SIRT3: variants seen among roughly 807,000 people sequenced by gnomAD.
SIRT3 encodes the protein NAD-dependent protein deacetylase sirtuin-3, mitochondrial.
SIRT3 carries 26 observed loss-of-function variants against 33.5 expected under a neutral mutation model. That is an observed-to-expected ratio of 0.78 (90% CI 0.57 to 1.08). SIRT3 has a LOEUF of 1.08. Among genes scored for constraint, SIRT3 ranks in the 50% least tolerant of loss-of-function variants. The pLI is 0.00. For synonymous variants in SIRT3, 237 were observed against 222.1 expected (o/e 1.07, Z -0.60); for missense variants, 585 against 530.1 (o/e 1.10, Z -1.02).
At chr11:232,832 G>A in intron 3 of SIRT3, 151 bp downstream of exon 3, 1 of 691,192 alleles carries the variant, frequency 1.4e-6, no homozygotes, top group Non-Finnish European at 2.4e-6. Flanking sequence ...AAGTCCCAAG[G>A]AAGAAGCATA....
chr11:234,947 G>A lies in SIRT3; in HGVS notation c.281+1101C>T, dbSNP rs187602017. The stretch of plus-strand genomic sequence containing the variant: ...GGCTGGAGTGCAATGGTGCCATCTC[G>A]GCTCACTGCAACCTCTGCCTTCCGG... On this transcript the variant is annotated intron_variant, in intron 1 of 6. Transcript: ENST00000382743. 3.0e-4 allele frequency among the ~76,000 whole-genome samples: 45 copies of A among 151,252 alleles called. 1 individual carries two copies. Among genetic ancestry groups the A allele is most frequent in the African/African-American group, 1.0e-3 (42 of 41,194 alleles).
chr11:230,552 A>C lies in SIRT3; in HGVS notation c.707T>G (p.Val236Gly). The change falls in exon 4 of 7, where the codon GTG (valine) becomes GGG (glycine). Residue 236 changes from valine (V) to glycine (G), a missense_variant and splice_region_variant. Val to Gly is a moderately radical substitution (Grantham distance 109). Coordinates refer to ENST00000382743, the MANE Select transcript of SIRT3 (RefSeq NM_012239.6). ...CAGCTTTGAGGCAGGGATGCCCGAC[A>C]CTGAAATTCAAGCCAAAGCGAAGTG... ...YTQNIDGLER[V>G]SGIPASKLVE... 1 of 1,513,046 alleles carries C rather than the reference A, an allele frequency of 6.6e-7. No individual in the cohort carries two copies. The highest frequency in any genetic ancestry group is 8.8e-7 in the Non-Finnish European group (1 of 1,131,508). The allele number at this position is 1,513,046 out of a possible 1,614,324, so 93.7% of individuals were successfully genotyped here. A position where few individuals can be genotyped will look rare whatever the true frequency, so the allele number is the denominator to read the frequency against.
intron 3 of SIRT3, among the ~76,000 whole-genome samples, chr11:231,642 T>C (rs2133923575): frequency 6.6e-6 from 1 of 152,226 alleles, no homozygotes; most frequent in African/African-American, 2.4e-5. Context: ...GCTTCCCAAG[T>C]CCCTGTCGCT....
chr11:230,776 A>G, intron 3 of SIRT3: 1 of 372,380 alleles, frequency 2.7e-6, no homozygotes, highest in Non-Finnish European at 4.8e-6. Flanking sequence ...AATCACGGTT[A>G]AAACAAAGCC....
chr11:217,395 G>A (rs1282165128), intron 6 of SIRT3, among the ~76,000 whole-genome samples: 1 of 152,226 alleles, frequency 6.6e-6, no homozygotes, highest in Non-Finnish European at 1.5e-5. Flanking sequence ...GCTGCAGTGA[G>A]CCAAAATCGT....
chr11:233,230 G>A lies in SIRT3; in HGVS notation c.474-15C>T. On this transcript the variant is annotated splice_polypyrimidine_tract_variant and intron_variant, in intron 2 of 6. Transcript: ENST00000382743. ...TCCCCGGCGATCTGCAGGGAGAGAA[G>A]AAAGGCTCTGAGGCCTTTGGAAGAG... 6.2e-7 allele frequency: 1 copy of A among 1,611,176 alleles called. No homozygotes were observed. The highest frequency in any genetic ancestry group is 8.5e-7 in the Non-Finnish European group (1 of 1,178,070).
At chr11:233,736 T>C in intron 1 of SIRT3, 1 of 574,094 alleles carries the variant, frequency 1.7e-6, no homozygotes, top group Non-Finnish European at 3.0e-6. Flanking sequence ...AAATCAAGAC[T>C]TACTTGGGAG....
At chr11:228,850 G>A (rs1369115171) in intron 4 of SIRT3, among the ~76,000 whole-genome samples, 2 of 152,164 alleles carry the variant, frequency 1.3e-5, no homozygotes, top group Non-Finnish European at 2.9e-5. Flanking sequence ...TAAGGATCTA[G>A]CTTCCAGAAT....
Position 215,837 on chromosome 11 carries a change from C to G in SIRT3, c.*861G>C, listed in dbSNP as rs1590083296. The G allele has an allele frequency of 6.6e-6, 1 of 152,132 alleles. No homozygotes were observed. Among genetic ancestry groups the G allele is most frequent in the Non-Finnish European group, 1.5e-5 (1 of 68,054 alleles). The allele number at this position is 152,132 out of a possible 1,614,324, so 9.4% of individuals were successfully genotyped here. On this transcript the variant is annotated 3_prime_UTR_variant, in exon 7 of 7. Transcript: ENST00000382743. ...CAGCCTGGGTTTTAAGTGAGTAATG[C>G]CTTCCCTGTCTCAGAGATTAGCTCT...
rs200341664 is a variant in SIRT3, at chr11:236,059, G to A, written c.270C>T (p.Phe90=). The A allele has an allele frequency of 1.2e-5, 19 of 1,522,664 alleles. 2 individuals carry two copies. In the South Asian group the frequency reaches 2.3e-4, roughly 18 times the overall value. 94.3% of individuals were successfully genotyped at this position (1,522,664 alleles called of 1,614,324 possible). ...RRQPRAAAPS[F]FFSSIKGGRR... Reference sequence around the variant, plus strand: ...CTTGCCCAAAATACCTCGAAAAGAAGAAACTGGGAGCTGCTGCCCTCGGCT... The same window carrying A: ...CTTGCCCAAAATACCTCGAAAAGAAAAAACTGGGAGCTGCTGCCCTCGGCT... Residue 90 remains phenylalanine (F), a synonymous_variant, in exon 1 of 7, where the codon TTC becomes TTT. Coordinates refer to ENST00000382743, the MANE Select transcript of SIRT3 (RefSeq NM_012239.6).
chr11:221,278 T>A (rs140570103), intron 5 of SIRT3, among the ~76,000 whole-genome samples: 2 of 152,180 alleles, frequency 1.3e-5, no homozygotes, highest in African/African-American at 4.8e-5. Flanking sequence ...TGCCTGGCTA[T>A]CTTTTTATTT....
At chr11:231,203 C>T (rs903554996) in intron 3 of SIRT3, among the ~76,000 whole-genome samples, 2 of 151,924 alleles carry the variant, frequency 1.3e-5, no homozygotes, top group Admixed American at 6.6e-5. Flanking sequence ...CTTTGGAAGG[C>T]CAAGGCAGGA....
intron 4 of SIRT3, 81 bp downstream of exon 4, chr11:230,371 G>A: frequency 1.3e-6 from 1 of 749,996 alleles, no homozygotes; most frequent in South Asian, 3.7e-5. Context: ...GTCCTTTCGA[G>A]ACAATGCTTA....
chr11:236,219 C>A lies in SIRT3; in HGVS notation c.110G>T (p.Arg37Leu). 6.4e-7 allele frequency: 1 copy of A among 1,559,412 alleles called. No individual in the cohort carries two copies. ...GVGPFQACGC[R>L]LVLGGRDDVS... ...ATCGTCCCTGCCGCCAAGCACCAGC[C>A]GACAGCCGCAGGCCTGAAACGGCCC... The change falls in exon 1 of 7, where the codon CGG becomes CTG. Residue 37 changes from arginine (R) to leucine (L), a missense_variant. Coordinates refer to ENST00000382743, the MANE Select transcript of SIRT3 (RefSeq NM_012239.6).
At chr11:235,715 G>C (rs570939467) in intron 1 of SIRT3, among the ~76,000 whole-genome samples, 1 of 152,184 alleles carries the variant, frequency 6.6e-6, no homozygotes, top group African/African-American at 2.4e-5. Context: ...CAACATTTAT[G>C]AGGGATCATT....
At chr11:221,584 C>T (rs11246007) in intron 5 of SIRT3, among the ~76,000 whole-genome samples, 22,431 of 152,190 alleles carry the variant, frequency 0.15, 1,788 homozygotes, top group South Asian at 0.34. Context: ...TTACATCCCA[C>T]GTTATGTCAC....
rs865835019 is a variant in SIRT3, at chr11:236,333, C to A, written c.-5G>T. 1 of 1,459,520 alleles carries A rather than the reference C, an allele frequency of 6.9e-7. No homozygotes were observed. The highest frequency in any genetic ancestry group is 9.0e-7 in the Non-Finnish European group (1 of 1,111,832). 90.4% of individuals were successfully genotyped at this position (1,459,520 alleles called of 1,614,324 possible). A position where few individuals can be genotyped will look rare whatever the true frequency, so the allele number is the denominator to read the frequency against. Reference sequence around the variant, plus strand: ...GCGCCAACCCCAGAACGCCATGTTCCGCGCAGTCCAAGGAGTCCTCCGGAC... The same window carrying A: ...GCGCCAACCCCAGAACGCCATGTTCAGCGCAGTCCAAGGAGTCCTCCGGAC... On this transcript the variant is annotated 5_prime_UTR_variant, in exon 1 of 7. Transcript: ENST00000382743.
chr11:231,426 A>G (rs945309308), intron 3 of SIRT3, among the ~76,000 whole-genome samples: 2 of 152,154 alleles, frequency 1.3e-5, no homozygotes, highest in African/African-American at 4.8e-5. Flanking sequence ...CAGAGCCAAG[A>G]CCCTGTCTCA....
Position 223,589 on chromosome 11 carries a change from G to A in SIRT3, c.969+489C>T. On this transcript the variant is annotated intron_variant, in intron 5 of 6. Transcript: ENST00000382743. This position sits in a 1 kb window ranked among gnomAD's most constrained non-coding sequence, Gnocchi z 4.8. ...TCAGTATTCCTGATCTGACCTGGGA[G>A]GCCCTGCCCCTCCACCTCGCCCCCA... The A allele has an allele frequency of 2.3e-6, 1 of 441,150 alleles. No homozygotes were observed. Among genetic ancestry groups the A allele is most frequent in the Non-Finnish European group, 4.3e-6 (1 of 234,940 alleles). 27.3% of individuals were successfully genotyped at this position (441,150 alleles called of 1,614,324 possible).
Sources: gnomAD v4.1 joint callset for allele counts (sites outside exome capture counted in the v4.1 genomes callset) on GRCh38, gnomAD v4.1.1 for gene constraint, Gnocchi (gnomAD v3.1) non-coding constraint, MANE v1.5 for transcripts, NCBI Gene and HGNC (gene_info 2026-07-23, HGNC 2026-07-21) for gene names.